Variants in NES observed in about 807,000 individuals in gnomAD.
NES encodes nestin.
NES carries 27 observed loss-of-function variants against 35.6 expected under a neutral mutation model. The ratio of observed to expected loss-of-function variants is 0.76; its 90% confidence interval spans 0.56 to 1.04. NES has a LOEUF of 1.04. NES is among the 50% of genes least tolerant of loss of function. NES has a pLI of 0.00. For missense variants in NES, 1,867 were observed against 1,983.6 expected, an observed-to-expected ratio of 0.94 and a Z score of 1.12; for synonymous variants, 822 against 824.2, an observed-to-expected ratio of 1.00 and a Z score of 0.04.
rs1245530977 is a variant in NES, at chr1:156,669,222, CG to C, written c.*99del. The C allele has an allele frequency of 4.5e-5, 35 of 777,984 alleles. No homozygotes were observed. Among genetic ancestry groups the C allele is most frequent in the Non-Finnish European group, 1.4e-5 (7 of 504,600 alleles). 48.2% of individuals were successfully genotyped at this position (777,984 alleles called of 1,614,324 possible). On this transcript the variant is annotated 3_prime_UTR_variant, in exon 4 of 4. Transcript: ENST00000368223. ...AGCCAGAAACCATATGTCAAGAGAT[CG>C]TAAGTTAAGAGTGCTGCTCCTGAGC... is the stretch of plus-strand genomic sequence containing the variant.
rs200568843 is a variant in NES at position 156,669,876 on chromosome 1, C to T, written c.4312G>A (p.Gly1438Arg). ...AGGCTGCCAACAGAAGACCCTGGCC[C>T]CCACCGCCCAGCCCCTGGCTCCCTC... ...EGREPGAGRW[G>R]PGSSVGSLQA... Residue 1438 changes from glycine (G) to arginine (R), a missense_variant, in exon 4 of 4, where the codon GGG (glycine) becomes AGG (arginine). Coordinates refer to ENST00000368223, the MANE Select transcript of NES (RefSeq NM_006617.2). The T allele has an allele frequency of 3.1e-6, 5 of 1,613,846 alleles. No homozygotes were observed. Among genetic ancestry groups the T allele is most frequent in the South Asian group, 1.1e-5 (1 of 91,064 alleles).
Position 156,675,321 on chromosome 1 carries a change from T to G in NES, c.803A>C (p.Glu268Ala). The G allele has an allele frequency of 6.2e-7, 1 of 1,610,150 alleles. No homozygotes were observed. ...GCTCTGTAGGCCCTGTTTCTCCTGC[T>G]CCAGGGCCTCCACAGCCAGCTGCAG... Reference protein sequence around the residue: ...EKFQLAVEALEQEKQGLQSQI... With the variant: ...EKFQLAVEALAQEKQGLQSQI... Residue 268 changes from glutamate to alanine, a missense_variant, in exon 2 of 4, where the codon GAG becomes GCG. By Grantham distance (107) the Glu-to-Ala change is moderately radical (BLOSUM62 -1). Transcript: ENST00000368223.
chr1:156,673,673 A>T, intron 2 of NES, 146 bp from the exon 3 acceptor site: 2 of 576,512 alleles, frequency 3.5e-6, no homozygotes, highest in Non-Finnish European at 6.3e-6. Flanking sequence ...CAAAAGCCAC[A>T]CTCAGGGTGA....
Position 156,673,339 on chromosome 1 carries a change from C to T in NES, c.982+115G>A, listed in dbSNP as rs1679777307. 3 of 1,322,586 alleles carry T rather than the reference C, an allele frequency of 2.3e-6. No homozygotes were observed. In the Admixed American group the frequency reaches 6.2e-5, roughly 27 times the overall value. The allele number at this position is 1,322,586 out of a possible 1,614,324, so 81.9% of individuals were successfully genotyped here. ...CATGGCTGGGCTGAGAGCATGCTCACTGACACTGGAGGCCACGGACTTGAA... is the reference window on the plus strand; with the variant it reads ...CATGGCTGGGCTGAGAGCATGCTCATTGACACTGGAGGCCACGGACTTGAA... On this transcript the variant is annotated intron_variant, in intron 3 of 3. Coordinates refer to ENST00000368223, the MANE Select transcript of NES (RefSeq NM_006617.2).
rs1647289539 is a variant in NES at position 156,676,287 on chromosome 1, A to G, written c.783+195T>C. Among the ~76,000 whole-genome samples, 1 of 151,936 alleles carries G rather than the reference A, an allele frequency of 6.6e-6. No homozygotes were observed. Among genetic ancestry groups the G allele is most frequent in the African/African-American group, 2.4e-5 (1 of 41,346 alleles). On this transcript the variant is annotated intron_variant, in intron 1 of 3. Transcript: ENST00000368223. This position sits in a 1 kb window ranked among gnomAD's most constrained non-coding sequence, Gnocchi z 5.3. ...GACTGCCCACCCGGGATGTGCTTCG[A>G]GAAGCCCCACCATTCGCATCCTACA...
rs1679686929 is a variant in NES at position 156,670,338 on chromosome 1, C to T, written c.3850G>A (p.Glu1284Lys). The change falls in exon 4 of 4, where the codon GAA becomes AAA. Residue 1284 changes from glutamate (E) to lysine (K), a missense_variant. Glu to Lys is a moderately conservative substitution (Grantham distance 56). Transcript: ENST00000368223. ...CCGAGCTCATCCTCCTCGCTCTCTTCTCTGCTCTCCTCCCCTTCCTCCTGG... is the reference window on the plus strand; with the variant it reads ...CCGAGCTCATCCTCCTCGCTCTCTTTTCTGCTCTCCTCCCCTTCCTCCTGG... ...GPQEEGEESR[E>K]ESEEDELGET... 8 of 1,611,668 alleles carry T rather than the reference C, an allele frequency of 5.0e-6. 1 individual carries two copies. The highest frequency in any genetic ancestry group is 6.8e-6 in the Non-Finnish European group (8 of 1,178,504).
chr1:156,672,488 G>A lies in NES; in HGVS notation c.1700C>T (p.Thr567Ile). Residue 567 changes from threonine to isoleucine, a missense_variant, in exon 4 of 4, where the codon ACA becomes ATA. Physicochemically the swap from Thr to Ile is moderately conservative, Grantham distance 89. Coordinates refer to ENST00000368223, the MANE Select transcript of NES (RefSeq NM_006617.2). Reference protein sequence around the residue: ...LKTLENQSHETLERENQECPR... With the variant: ...LKTLENQSHEILERENQECPR... ...ACATTCTTGATTCTCCCTTTCTAGT[G>A]TCTCATGGCTCTGGTTTTCCAGAGT... 2 of 1,612,678 alleles carry A rather than the reference G, an allele frequency of 1.2e-6. No homozygotes were observed. The highest frequency in any genetic ancestry group is 1.7e-6 in the Non-Finnish European group (2 of 1,179,476).
intron 2 of NES, among the ~76,000 whole-genome samples, 184 bp downstream of exon 2, chr1:156,675,032 T>C (rs1679812507): frequency 6.6e-6 from 1 of 152,178 alleles, no homozygotes; most frequent in African/African-American, 2.4e-5. Context: ...GTCTCCAGCC[T>C]ATGGGGGAGC....
At position 156,670,826 on chromosome 1, in the gene NES, T is replaced by C. The variant is rs1377981747; in HGVS notation, c.3362A>G (p.Glu1121Gly). Residue 1121 changes from glutamate (E) to glycine (G), a missense_variant, in exon 4 of 4, where the codon GAA becomes GGA. Coordinates refer to ENST00000368223, the MANE Select transcript of NES (RefSeq NM_006617.2). ...CAAACTCTCCTCTTCCAGGGGTGGT[T>C]CCATCACCTCTTCCCTGGTCAGATG... The part of the protein sequence containing the change: ...PGHLTREEVM[E>G]PPLEEESLEA... The C allele has an allele frequency of 2.5e-6, 4 of 1,612,966 alleles. No individual in the cohort carries two copies.
chr1:156,676,663 T>C lies in NES; in HGVS notation c.602A>G (p.Glu201Gly). 2 of 1,520,594 alleles carry C rather than the reference T, an allele frequency of 1.3e-6. No individual in the cohort carries two copies. Among genetic ancestry groups the C allele is most frequent in the East Asian group, 2.5e-5 (1 of 39,668 alleles). 94.2% of individuals were successfully genotyped at this position (1,520,594 alleles called of 1,614,324 possible). The change falls in exon 1 of 4, where the codon GAG becomes GGG. Residue 201 changes from glutamate to glycine, a missense_variant. Glu to Gly is a moderately conservative substitution (Grantham distance 98). Coordinates refer to ENST00000368223, the MANE Select transcript of NES (RefSeq NM_006617.2). The surrounding 1 kb of genome is among the most constrained non-coding windows in gnomAD (Gnocchi z 5.3). ...CTCGCGGGCCTGGCCCAGCGACGTC[T>C]CCATGTGTGCCACGCGCTCCTGGTA... Reference protein sequence around the residue: ...RGYQERVAHMETSLGQARERL... With the variant: ...RGYQERVAHMGTSLGQARERL...
rs1376726556 is a variant in NES at position 156,670,324 on chromosome 1, C to T, written c.3864G>A (p.Glu1288=). 2 of 1,612,240 alleles carry T rather than the reference C, an allele frequency of 1.2e-6. No homozygotes were observed. The highest frequency in any genetic ancestry group is 1.7e-6 in the Non-Finnish European group (2 of 1,179,026). ...CTGGAAGGGTCTCCCCGAGCTCATC[C>T]TCCTCGCTCTCTTCTCTGCTCTCCT... ...EGEESREESE[E]DELGETLPDS... The change falls in exon 4 of 4, where the codon GAG becomes GAA. Residue 1288 remains glutamate, a synonymous_variant. Coordinates refer to ENST00000368223, the MANE Select transcript of NES (RefSeq NM_006617.2).
chr1:156,672,915 G>C lies in NES; in HGVS notation c.1273C>G (p.Pro425Ala). 6.2e-7 allele frequency: 1 copy of C among 1,614,028 alleles called. No individual in the cohort carries two copies. The highest frequency in any genetic ancestry group is 8.5e-7 in the Non-Finnish European group (1 of 1,180,040). The change falls in exon 4 of 4, where the codon CCA (proline) becomes GCA (alanine). Residue 425 changes from proline to alanine, a missense_variant. Coordinates refer to ENST00000368223, the MANE Select transcript of NES (RefSeq NM_006617.2). ...LQTQGGRKQA[P>A]EPLRAEARVA... ...CTGGCTTCAGCCCGCAGGGGCTCTG[G>C]AGCCTGTTTCCTCCCACCCTGTGTC...
chr1:156,677,154 G>T lies in NES; in HGVS notation c.111C>A (p.Ser37Arg). The T allele has an allele frequency of 6.2e-7, 1 of 1,611,468 alleles. No homozygotes were observed. Among genetic ancestry groups the T allele is most frequent in the Non-Finnish European group, 8.5e-7 (1 of 1,179,428 alleles). ...KALEEQNELL[S>R]AELGGLRAQS... ...GTGCCCGGAGCCCCCCGAGCTCCGCGCTGAGCAGCTCATTCTGCTCCTCCA... is the reference window on the plus strand; with the variant it reads ...GTGCCCGGAGCCCCCCGAGCTCCGCTCTGAGCAGCTCATTCTGCTCCTCCA... Residue 37 changes from serine to arginine, a missense_variant, in exon 1 of 4, where the codon AGC becomes AGA. Coordinates refer to ENST00000368223, the MANE Select transcript of NES (RefSeq NM_006617.2). This position sits in a 1 kb window ranked among gnomAD's most constrained non-coding sequence, Gnocchi z 4.5.
Position 156,670,436 on chromosome 1 carries a change from C to T in NES, c.3752G>A (p.Gly1251Glu). The change falls in exon 4 of 4, where the codon GGG becomes GAG. Residue 1251 changes from glycine to glutamate, a missense_variant. Gly to Glu is a moderately conservative substitution (Grantham distance 98). Coordinates refer to ENST00000368223, the MANE Select transcript of NES (RefSeq NM_006617.2). ...TACTTTCCCCAGGGCTTCAGCCCTCCCCTGCACCCCCCAGCTAGCCTCCTG... is the reference window on the plus strand; with the variant it reads ...TACTTTCCCCAGGGCTTCAGCCCTCTCCTGCACCCCCCAGCTAGCCTCCTG... Reference protein sequence around the residue: ...GSQEASWGVQGRAEALGKVES... With the variant: ...GSQEASWGVQERAEALGKVES... 6.4e-7 allele frequency: 1 copy of T among 1,562,080 alleles called. No homozygotes were observed. Among genetic ancestry groups the T allele is most frequent in the Non-Finnish European group, 8.7e-7 (1 of 1,153,880 alleles).
rs756884559 is a variant in NES, at chr1:156,671,554, T to C, written c.2634A>G (p.Gln878=). The C allele has an allele frequency of 3.7e-6, 6 of 1,613,940 alleles. No individual in the cohort carries two copies. The highest frequency in any genetic ancestry group is 5.1e-6 in the Non-Finnish European group (6 of 1,179,988). ...QEPLESVEVN[Q]ETFRLLEEEN... is the part of the protein sequence containing the mutation. ...CCTCTTCCAGGAGTCTGAATGTCTC[T>C]TGGTTCACTTCCACAGACTCCAGTG... The change falls in exon 4 of 4, where the codon CAA becomes CAG. Residue 878 remains glutamine, a synonymous_variant. Transcript: ENST00000368223.
chr1:156,675,421 G>A lies in NES; in HGVS notation c.784-81C>T, dbSNP rs1571466446. The stretch of plus-strand genomic sequence containing the variant: ...AACCTGCCTCCTGCCCGCTGCCGCT[G>A]CCCGGGAAGCACCTCCTGCTCCCTG... On this transcript the variant is annotated intron_variant, in intron 1 of 3. Coordinates refer to ENST00000368223, the MANE Select transcript of NES (RefSeq NM_006617.2). 4.1e-6 allele frequency: 6 copies of A among 1,476,674 alleles called. No individual in the cohort carries two copies. In the South Asian group the frequency reaches 6.7e-5, roughly 16 times the overall value. The allele number at this position is 1,476,674 out of a possible 1,614,324, so 91.5% of individuals were successfully genotyped here.
chr1:156,670,993 G>C lies in NES; in HGVS notation c.3195C>G (p.Pro1065=). The change falls in exon 4 of 4, where the codon CCC becomes CCG. Residue 1065 remains proline, a synonymous_variant. Coordinates refer to ENST00000368223, the MANE Select transcript of NES (RefSeq NM_006617.2). ...APQGLPEAIE[P]LVEDDVAPGG... is the part of the protein sequence containing the mutation. ...CTGGGGCCACATCATCTTCCACCAG[G>C]GGCTCTATCGCCTCTGGCAGCCCCT... 1 of 1,611,134 alleles carries C rather than the reference G, an allele frequency of 6.2e-7. No homozygotes were observed. The highest frequency in any genetic ancestry group is 8.5e-7 in the Non-Finnish European group (1 of 1,178,992).
At chr1:156,675,160 G>A in intron 2 of NES, 56 bp downstream of exon 2, 1 of 1,585,808 alleles carries the variant, frequency 6.3e-7, no homozygotes, top group Non-Finnish European at 8.6e-7. Flanking sequence ...CACGTAGTCT[G>A]CCCCAGCATG....
Position 156,673,001 on chromosome 1 carries a change from G to T in NES, c.1187C>A (p.Ala396Glu). Residue 396 changes from alanine to glutamate, a missense_variant, in exon 4 of 4, where the codon GCA becomes GAA. Coordinates refer to ENST00000368223, the MANE Select transcript of NES (RefSeq NM_006617.2). ...CTCTGCATCTACAGCAGGAGAGGGTGCCTGAGGTGTGGGGGGGATGGGGGT... is the reference window on the plus strand; with the variant it reads ...CTCTGCATCTACAGCAGGAGAGGGTTCCTGAGGTGTGGGGGGGATGGGGGT... Reference protein sequence around the residue: ...ASTPIPPTPQAPSPAVDAEIR... With the variant: ...ASTPIPPTPQEPSPAVDAEIR... 6.2e-7 allele frequency: 1 copy of T among 1,613,020 alleles called. No individual in the cohort carries two copies. The highest frequency in any genetic ancestry group is 8.5e-7 in the Non-Finnish European group (1 of 1,179,158).
Sources: allele counts gnomAD v4.1 joint callset (sites outside exome capture counted in the v4.1 genomes callset), GRCh38; gene constraint gnomAD v4.1.1; non-coding constraint Gnocchi (gnomAD v3.1); transcripts MANE v1.5; gene names NCBI Gene and HGNC (gene_info 2026-07-23, HGNC 2026-07-21).